MTG1: variants seen among roughly 807,000 people sequenced by gnomAD.
The protein encoded by MTG1 is mitochondrial ribosome-associated GTPase 1.
A neutral mutation model predicts 39.5 loss-of-function variants in MTG1; 30 were observed. The ratio of observed to expected loss-of-function variants is 0.76; its 90% CI spans 0.57 to 1.03. MTG1 has a LOEUF of 1.03. Among genes scored for constraint, MTG1 ranks in the 50% least tolerant of loss-of-function variants. The pLI, the probability that MTG1 is intolerant of heterozygous loss-of-function variation, is 0.00. For synonymous variants in MTG1, 217 were observed against 179.0 expected (o/e 1.21, Z -1.69); for missense variants, 513 against 447.4 (o/e 1.15, Z -1.32).
At chr10:133,407,574 T>TC (rs1470239302) in intron 9 of MTG1, among the ~76,000 whole-genome samples, 1 of 151,140 alleles carries the variant, frequency 6.6e-6, no homozygotes, top group Non-Finnish European at 1.5e-5. Context: ...TTGATTTCTT[T>TC]TTTTTTTTTT....
chr10:133,420,041 T>C lies in MTG1; in HGVS notation c.881T>C (p.Ile294Thr), dbSNP rs1460631883. Reference protein sequence around the residue: ...VLTGTGNVNIIQPNYPAAARD... With the variant: ...VLTGTGNVNITQPNYPAAARD... ...CGTCCCCCAGGTAACGTGAACATTA[T>C]TCAGCCTAACTATCCTGCGGCAGCC... The change falls in exon 11 of 11, where the codon ATT becomes ACT. Residue 294 changes from isoleucine (I) to threonine (T), a missense_variant. Coordinates refer to ENST00000317502, the MANE Select transcript of MTG1 (RefSeq NM_138384.4). 4 of 1,611,800 alleles carry C rather than the reference T, an allele frequency of 2.5e-6. No homozygotes were observed. The highest frequency in any genetic ancestry group is 2.2e-5 in the South Asian group (2 of 90,866).
intron 10 of MTG1, 109 bp downstream of exon 10, chr10:133,419,701 G>A (rs991245210): frequency 4.5e-5 from 41 of 918,554 alleles, no homozygotes; most frequent in Admixed American, 1.1e-4. Flanking sequence ...AGGAGCATGC[G>A]CCGGGTCTTC....
At position 133,396,178 on chromosome 10, in the gene MTG1, C is replaced by G. The variant is rs148997160; in HGVS notation, c.193C>G (p.Arg65Gly). ...ATTTTGCCACATCCCACTTTCAGGCCGCAACCCTCTGTTTCAGGAAACCCT... is the reference window on the plus strand; with the variant it reads ...ATTTTGCCACATCCCACTTTCAGGCGGCAACCCTCTGTTTCAGGAAACCCT... The part of the protein sequence containing the change: ...VHDARIPLSG[R>G]NPLFQETLGL... Residue 65 changes from arginine (R) to glycine (G), a missense_variant, in exon 3 of 11, where the codon CGC becomes GGC. Arg to Gly is a moderately radical substitution (Grantham distance 125). Transcript: ENST00000317502. 1 of 1,613,968 alleles carries G rather than the reference C, an allele frequency of 6.2e-7. No individual in the cohort carries two copies. Among genetic ancestry groups the G allele is most frequent in the Non-Finnish European group, 8.5e-7 (1 of 1,179,980 alleles).
Position 133,420,322 on chromosome 10 carries a change from C to G in MTG1, c.*157C>G. ...CCCACAGCCTGGCCAGCTCCAGGGA[C>G]CCCAGTTGCAGGGCCCAAGCAGGTG... On this transcript the variant is annotated 3_prime_UTR_variant, in exon 11 of 11. Coordinates refer to ENST00000317502, the MANE Select transcript of MTG1 (RefSeq NM_138384.4). 2.2e-6 allele frequency: 2 copies of G among 911,354 alleles called. No homozygotes were observed. The highest frequency in any genetic ancestry group is 3.1e-6 in the Non-Finnish European group (2 of 647,806). 56.5% of individuals were successfully genotyped at this position (911,354 alleles called of 1,614,324 possible).
intron 7 of MTG1, 25 bp downstream of exon 7, chr10:133,401,615 A>G (rs1471292299): frequency 1.2e-6 from 2 of 1,612,890 alleles, no homozygotes; most frequent in Admixed American, 1.7e-5. Context: ...GGCCAGGCCC[A>G]GCACTCTGTC....
chr10:133,398,616 A>G (rs1010008387), intron 4 of MTG1, 101 bp downstream of exon 4: 2 of 1,359,874 alleles, frequency 1.5e-6, no homozygotes, highest in Non-Finnish European at 1.0e-6. Flanking sequence ...AGCTTTGGAA[A>G]AGATCCTAGG....
Position 133,413,463 on chromosome 10 carries a change from A to C in MTG1, c.753-6017A>C, listed in dbSNP as rs1238655331. On this transcript the variant is annotated intron_variant, in intron 9 of 10. Coordinates refer to ENST00000317502, the MANE Select transcript of MTG1 (RefSeq NM_138384.4). ...AGATGGGAGTTTCGCCATGTTGGCC[A>C]GGCTGGTCTTGAACTCCTGACCTCA... Among the ~76,000 whole-genome samples the C allele has an allele frequency of 2.6e-5, 4 of 152,264 alleles. No individual in the cohort carries two copies. The East Asian group carries it at 7.7e-4, about 29-fold the overall frequency.
At chr10:133,395,594 C>G in intron 1 of MTG1, 119 bp from the exon 2 acceptor site, 1 of 932,018 alleles carries the variant, frequency 1.1e-6, no homozygotes, top group Non-Finnish European at 1.7e-6. Context: ...GTACGCTTCC[C>G]TCAGATATAG....
At chr10:133,411,801 T>A (rs941759718) in intron 9 of MTG1, among the ~76,000 whole-genome samples, 10 of 152,060 alleles carry the variant, frequency 6.6e-5, no homozygotes, top group African/African-American at 1.4e-4. Context: ...TTTTTTTTTT[T>A]AATTTCAATC....
rs773615265 is a variant in MTG1 at position 133,399,478 on chromosome 10, A to G, written c.421-51A>G. Reference sequence around the variant, plus strand: ...TGCCTGGGTGGGGTTGCAGAGTCTCAGGCTCTAGCGGCCACGGTGGGCCCT... The same window carrying G: ...TGCCTGGGTGGGGTTGCAGAGTCTCGGGCTCTAGCGGCCACGGTGGGCCCT... On this transcript the variant is annotated intron_variant, in intron 5 of 10. Transcript: ENST00000317502. 7 of 1,572,594 alleles carry G rather than the reference A, an allele frequency of 4.5e-6. No homozygotes were observed. The South Asian group carries it at 7.8e-5, about 18-fold the overall frequency.
At chr10:133,419,276 G>C (rs1298491965) in intron 9 of MTG1, among the ~76,000 whole-genome samples, 2 of 152,212 alleles carry the variant, frequency 1.3e-5, no homozygotes, top group African/African-American at 4.8e-5. Context: ...GCTCAGGGAT[G>C]ATTCTTAGAT....
In MTG1 at chr10:133,399,158, T is replaced by C. The variant is rs1397335647; in HGVS notation, c.364-12T>C. 1 of 1,613,584 alleles carries C rather than the reference T, an allele frequency of 6.2e-7. No homozygotes were observed. The highest frequency in any genetic ancestry group is 2.2e-5 in the East Asian group (1 of 44,852). On this transcript the variant is annotated splice_polypyrimidine_tract_variant and intron_variant, in intron 4 of 10. Transcript: ENST00000317502. ...GACCTGGGGTGGCTCCATGAGTGGG[T>C]GTTTGTTGCAGATCATCCCGATGGT...
chr10:133,395,008 G>A (rs1465276543), intron 1 of MTG1, among the ~76,000 whole-genome samples: 1 of 152,206 alleles, frequency 6.6e-6, no homozygotes, highest in East Asian at 1.9e-4. Flanking sequence ...TTGGTTGTGT[G>A]TGGTATTCCT....
At position 133,402,841 on chromosome 10, in the gene MTG1, A is replaced by C; in HGVS notation, c.752+68A>C. On this transcript the variant is annotated intron_variant, in intron 9 of 10. Transcript: ENST00000317502. This position sits in a 1 kb window ranked among gnomAD's most constrained non-coding sequence, Gnocchi z 4.7. ...GTCACCTCATTTAAAAAAAAAAAACAAACAAAAAAACCCCCAGCATTATAA... is the reference window on the plus strand; with the variant it reads ...GTCACCTCATTTAAAAAAAAAAAACCAACAAAAAAACCCCCAGCATTATAA... 1 of 1,136,048 alleles carries C rather than the reference A, an allele frequency of 8.8e-7. No individual in the cohort carries two copies. Among genetic ancestry groups the C allele is most frequent in the South Asian group, 1.4e-5 (1 of 69,378 alleles). 70.4% of individuals were successfully genotyped at this position (1,136,048 alleles called of 1,614,324 possible). A position where few individuals can be genotyped will look rare whatever the true frequency, so the allele number is the denominator to read the frequency against.
At chr10:133,412,151 G>C (rs1850056747) in intron 9 of MTG1, among the ~76,000 whole-genome samples, 1 of 151,956 alleles carries the variant, frequency 6.6e-6, no homozygotes, top group South Asian at 2.1e-4. Context: ...CTCATCCTCA[G>C]ATTTGAGTTC....
At position 133,399,940 on chromosome 10, in the gene MTG1, C is replaced by T. The variant is rs187923673; in HGVS notation, c.511+321C>T. 715 of 234,862 alleles carry T rather than the reference C, an allele frequency of 3.0e-3. 1 individual carries two copies. Among genetic ancestry groups the T allele is most frequent in the Non-Finnish European group, 5.0e-3 (603 of 121,014 alleles). 14.5% of individuals were successfully genotyped at this position (234,862 alleles called of 1,614,324 possible). A position where few individuals can be genotyped will look rare whatever the true frequency, so the allele number is the denominator to read the frequency against. ...CGGGTGCATGGCTCACGCCTGTAATCCCAGCACTTTGAGAGGCCGAGGCGG... is the reference window on the plus strand; with the variant it reads ...CGGGTGCATGGCTCACGCCTGTAATTCCAGCACTTTGAGAGGCCGAGGCGG... On this transcript the variant is annotated intron_variant, in intron 6 of 10. Transcript: ENST00000317502.
intron 7 of MTG1, 97 bp downstream of exon 7, chr10:133,401,687 C>G: frequency 8.7e-7 from 1 of 1,155,748 alleles, no homozygotes; most frequent in South Asian, 1.3e-5. Flanking sequence ...GCTGACCACG[C>G]TTCCCTCCCC....
intron 9 of MTG1, among the ~76,000 whole-genome samples, chr10:133,407,236 C>G (rs748804814): frequency 5.9e-5 from 9 of 152,162 alleles, no homozygotes; most frequent in Non-Finnish European, 1.2e-4. Context: ...ATGCCTCTAG[C>G]TTTGTTCTTT....
chr10:133,418,072 C>T (rs1368281021), intron 9 of MTG1, among the ~76,000 whole-genome samples: 3 of 152,214 alleles, frequency 2.0e-5, no homozygotes, highest in Non-Finnish European at 2.9e-5. Context: ...GGCACAATCT[C>T]AGCCCACTGC....
Sources: allele counts gnomAD v4.1 joint callset (sites outside exome capture counted in the v4.1 genomes callset), GRCh38; gene constraint gnomAD v4.1.1; non-coding constraint Gnocchi (gnomAD v3.1); transcripts MANE v1.5; gene names NCBI Gene and HGNC (gene_info 2026-07-23, HGNC 2026-07-21).